The following GRID2 variants were observed in gnomAD, a reference collection of about 807,000 sequenced individuals.
GRID2 encodes glutamate ionotropic receptor delta type subunit 2, also known as glutamate receptor ionotropic, delta-2.
GRID2 carries 33 observed loss-of-function variants against 114.8 expected under a neutral mutation model. That is an observed-to-expected ratio of 0.29 (90% CI 0.22 to 0.38). GRID2 has a LOEUF of 0.38. GRID2 is among the 10% of genes least tolerant of loss of function. GRID2 has a pLI of 1.00. For missense variants in GRID2, 1,184 were observed against 1,257.7 expected (o/e 0.94, Z 0.89); for synonymous variants, 505 against 449.9 (o/e 1.12, Z -1.55).
chr4:93,517,999 G>A (rs58878624), intron 13 of GRID2, among the ~76,000 whole-genome samples: 9 of 15,120 alleles, frequency 6.0e-4, no homozygotes, highest in South Asian at 1.4e-3. Flanking sequence ...ATACATACAT[G>A]TATATGTATG....
intron 8 of GRID2, among the ~76,000 whole-genome samples, chr4:93,328,179 A>C (rs985797312): frequency 2.6e-5 from 4 of 152,166 alleles, no homozygotes; most frequent in African/African-American, 9.7e-5. Context: ...GCACTTTTAA[A>C]GATGTAAATG....
intron 8 of GRID2, among the ~76,000 whole-genome samples, chr4:93,334,201 C>T (rs1416302588): frequency 6.6e-6 from 1 of 152,136 alleles, no homozygotes; most frequent in African/African-American, 2.4e-5. Context: ...TGCTCTAGTA[C>T]TAATGTGAAA....
At chr4:92,394,292 C>G (rs1730388986) in intron 1 of GRID2, among the ~76,000 whole-genome samples, 2 of 152,026 alleles carry the variant, frequency 1.3e-5, no homozygotes, top group South Asian at 2.1e-4. Context: ...AGCCAAAAAG[C>G]TAAGAAATAA....
intron 1 of GRID2, among the ~76,000 whole-genome samples, chr4:92,536,340 T>C (rs950916363): frequency 3.3e-5 from 5 of 152,132 alleles, no homozygotes; most frequent in East Asian, 1.9e-4. Context: ...AGAGTGCTGA[T>C]TGGTGCATTT....
intron 2 of GRID2, among the ~76,000 whole-genome samples, chr4:92,767,308 G>A (rs1738314147): frequency 6.6e-6 from 1 of 152,126 alleles, no homozygotes; most frequent in Admixed American, 6.5e-5. Flanking sequence ...GTAACTTTCA[G>A]CTGCCATGTA....
At chr4:93,512,374 T>G (rs1353571756) in intron 12 of GRID2, among the ~76,000 whole-genome samples, 1 of 152,180 alleles carries the variant, frequency 6.6e-6, no homozygotes, top group African/African-American at 2.4e-5. Context: ...AAACTCTTCT[T>G]AGTATGAAAA....
chr4:92,796,910 C>T (rs1739907659), intron 2 of GRID2, among the ~76,000 whole-genome samples: 1 of 151,828 alleles, frequency 6.6e-6, no homozygotes, highest in Non-Finnish European at 1.5e-5. Context: ...CATGTAAAAG[C>T]TATATTTTTC....
chr4:92,757,727 G>A (rs770323277), intron 2 of GRID2, among the ~76,000 whole-genome samples: 1 of 151,894 alleles, frequency 6.6e-6, no homozygotes, highest in Non-Finnish European at 1.5e-5. Context: ...AATATCACTA[G>A]TGAGGAACAG....
intron 2 of GRID2, among the ~76,000 whole-genome samples, chr4:92,780,660 T>G (rs1739024151): frequency 6.6e-6 from 1 of 152,136 alleles, no homozygotes; most frequent in South Asian, 2.1e-4. Flanking sequence ...GAATATGGAC[T>G]TCCTTCAGAT....
chr4:93,037,346 G>T (rs1170384483), intron 2 of GRID2, among the ~76,000 whole-genome samples: 2 of 152,156 alleles, frequency 1.3e-5, no homozygotes, highest in African/African-American at 4.8e-5. Context: ...GTCACCCTTT[G>T]TCAGATGGAT....
At position 93,589,440 on chromosome 4, in the gene GRID2, T is replaced by C. The variant is rs368828966; in HGVS notation, c.2194-36829T>C. On this transcript the variant is annotated intron_variant, in intron 13 of 15. Transcript: ENST00000282020. ...GTGTATATGTGCCACATTTTCTTAA[T>C]CTAGTCTATCATTGTTGGACATTTG... Among the ~76,000 whole-genome samples, 5 of 152,136 alleles carry C rather than the reference T, an allele frequency of 3.3e-5. No individual in the cohort carries two copies. In the East Asian group the frequency reaches 9.7e-4, roughly 29 times the overall value.
At chr4:92,917,548 G>A (rs1206188414) in intron 2 of GRID2, among the ~76,000 whole-genome samples, 2 of 152,148 alleles carry the variant, frequency 1.3e-5, no homozygotes, top group African/African-American at 4.8e-5. Context: ...TAAGATGTAA[G>A]GAAGGGATCC....
At chr4:92,705,376 C>G (rs1016139700) in intron 2 of GRID2, among the ~76,000 whole-genome samples, 1 of 152,124 alleles carries the variant, frequency 6.6e-6, no homozygotes, top group South Asian at 2.1e-4. Flanking sequence ...ACATACTACA[C>G]GCCAGGCATT....
intron 4 of GRID2, among the ~76,000 whole-genome samples, chr4:93,191,338 A>G (rs1185102158): frequency 6.6e-6 from 1 of 152,106 alleles, no homozygotes; most frequent in Non-Finnish European, 1.5e-5. Flanking sequence ...CAGAATCTGA[A>G]CTGCCATAGC....
At chr4:92,849,343 T>C (rs1743585001) in intron 2 of GRID2, among the ~76,000 whole-genome samples, 1 of 151,918 alleles carries the variant, frequency 6.6e-6, no homozygotes, top group African/African-American at 2.4e-5. Context: ...GAATGTATTC[T>C]TTGACTTGGG....
chr4:93,322,446 T>C (rs540468495), intron 8 of GRID2, among the ~76,000 whole-genome samples: 3 of 152,324 alleles, frequency 2.0e-5, no homozygotes, highest in East Asian at 1.9e-4. Flanking sequence ...CAGTCTATCA[T>C]TGATGGACAT....
chr4:92,433,740 T>TA (rs2110345006), intron 1 of GRID2, among the ~76,000 whole-genome samples: 1 of 152,340 alleles, frequency 6.6e-6, no homozygotes, highest in South Asian at 2.1e-4. Flanking sequence ...CTTATGTAGA[T>TA]AGGTGTTCCT....
chr4:92,955,251 A>C (rs1350407499), intron 2 of GRID2, among the ~76,000 whole-genome samples: 1 of 145,872 alleles, frequency 6.9e-6, no homozygotes, highest in African/African-American at 2.6e-5. Context: ...AAGTGTTCCT[A>C]TTTCTCCACA....
At chr4:92,769,402 G>A (rs1057083094) in intron 2 of GRID2, among the ~76,000 whole-genome samples, 5 of 152,154 alleles carry the variant, frequency 3.3e-5, no homozygotes, top group Non-Finnish European at 7.3e-5. Flanking sequence ...CATGGTACAA[G>A]CTGTTGGTGG....
Sources: allele counts gnomAD v4.1 joint callset (sites outside exome capture counted in the v4.1 genomes callset), GRCh38; gene constraint gnomAD v4.1.1; transcripts MANE v1.5; gene names NCBI Gene and HGNC (gene_info 2026-07-23, HGNC 2026-07-21).